Variants in ALDH1A1 observed in about 807,000 individuals in gnomAD.
ALDH1A1 encodes aldehyde dehydrogenase 1 family member A1.
ALDH1A1 carries 19 observed loss-of-function variants against 62.1 expected under a neutral mutation model. The ratio of observed to expected loss-of-function variants is 0.31; its 90% CI spans 0.21 to 0.45. The LOEUF (loss-of-function observed/expected upper bound fraction) is 0.45. ALDH1A1 is among the 20% of genes least tolerant of loss of function. The probability of loss-of-function intolerance (pLI) is 1.00; values close to 1 mark genes in which losing one functional copy is unlikely to be tolerated. For synonymous variants in ALDH1A1, 231 were observed against 215.9 expected (o/e 1.07, Z -0.61); for missense variants, 521 against 607.1 (o/e 0.86, Z 1.49).
At chr9:72,935,293 C>T (rs565095276) in intron 2 of ALDH1A1, among the ~76,000 whole-genome samples, 39 of 152,198 alleles carry the variant, frequency 2.6e-4, no homozygotes, top group Non-Finnish European at 4.6e-4. Context: ...GGTACATTAA[C>T]TCAGATTTGC....
At chr9:72,901,413 G>A (rs913401417) in intron 12 of ALDH1A1, 133 bp from the exon 13 acceptor site, 1 of 543,630 alleles carries the variant, frequency 1.8e-6, no homozygotes, top group East Asian at 2.9e-5. Flanking sequence ...TGTGTACAGA[G>A]CATTTTATAT....
At chr9:72,912,408 A>G (rs1391059379) in intron 9 of ALDH1A1, among the ~76,000 whole-genome samples, 1 of 152,216 alleles carries the variant, frequency 6.6e-6, no homozygotes, top group Non-Finnish European at 1.5e-5. Flanking sequence ...ATAAATGACA[A>G]TCATCATTTA....
chr9:72,946,652 A>T (rs950731431), intron 1 of ALDH1A1, among the ~76,000 whole-genome samples: 4 of 152,032 alleles, frequency 2.6e-5, no homozygotes, highest in African/African-American at 9.7e-5. Context: ...TCTTTTGAAC[A>T]TGGTTCTATG....
intron 12 of ALDH1A1, among the ~76,000 whole-genome samples, chr9:72,902,220 G>T (rs926450310): frequency 1.6e-4 from 25 of 151,974 alleles, no homozygotes; most frequent in Non-Finnish European, 1.5e-4. Flanking sequence ...TTTACCCCTT[G>T]TTGAAGAGAT....
intron 11 of ALDH1A1, 44 bp from the exon 12 acceptor site, chr9:72,906,076 G>GAA: frequency 6.8e-7 from 1 of 1,464,216 alleles, no homozygotes; most frequent in Non-Finnish European, 9.3e-7. Context: ...CTTAAGGTGT[G>GAA]AAAAAAAAAT....
At chr9:72,938,824 C>T (rs1017837718) in intron 2 of ALDH1A1, among the ~76,000 whole-genome samples, 1 of 151,450 alleles carries the variant, frequency 6.6e-6, no homozygotes, top group African/African-American at 2.4e-5. Context: ...CTCACTGCAA[C>T]CTCTGACCCC....
At chr9:72,914,326 A>AT (rs1263220626) in intron 9 of ALDH1A1, among the ~76,000 whole-genome samples, 4 of 152,220 alleles carry the variant, frequency 2.6e-5, no homozygotes, top group Admixed American at 2.6e-4. Context: ...AAATGGAAGC[A>AT]TGTAATTTTT....
intron 10 of ALDH1A1, among the ~76,000 whole-genome samples, chr9:72,910,011 T>G (rs1829962385): frequency 6.6e-6 from 1 of 152,186 alleles, no homozygotes; most frequent in African/African-American, 2.4e-5. Flanking sequence ...TTTCTAGATG[T>G]TGGAATTAAG....
intron 1 of ALDH1A1, 49 bp from the exon 2 acceptor site, chr9:72,940,301 A>C (rs777074699): frequency 1.4e-6 from 2 of 1,436,564 alleles, no homozygotes; most frequent in Admixed American, 1.7e-5. Context: ...ATATGCAGAA[A>C]ATTTTGGAAG....
intron 12 of ALDH1A1, among the ~76,000 whole-genome samples, 174 bp downstream of exon 12, chr9:72,905,784 A>G (rs572819515): frequency 6.6e-6 from 1 of 152,222 alleles, no homozygotes; most frequent in South Asian, 2.1e-4. Flanking sequence ...TTCTGCAATC[A>G]CCTTTTGCAC....
At chr9:72,918,562 A>AT (rs1435328101) in intron 8 of ALDH1A1, among the ~76,000 whole-genome samples, 158 bp downstream of exon 8, 1 of 147,772 alleles carries the variant, frequency 6.8e-6, no homozygotes, top group Non-Finnish European at 1.5e-5. Context: ...GATTTAAGAG[A>AT]TTTTCAAGAG....
intron 12 of ALDH1A1, among the ~76,000 whole-genome samples, chr9:72,905,750 G>C (rs765537718): frequency 1.1e-4 from 17 of 151,988 alleles, no homozygotes; most frequent in Non-Finnish European, 1.9e-4. Flanking sequence ...AAATATAGTA[G>C]GAATTTAGTA....
intron 2 of ALDH1A1, among the ~76,000 whole-genome samples, chr9:72,933,149 A>G (rs1187824541): frequency 1.3e-5 from 2 of 152,230 alleles, no homozygotes; most frequent in African/African-American, 2.4e-5. Flanking sequence ...TATGAAAACA[A>G]CCCAGATTTG....
chr9:72,904,863 A>T (rs1484934971), intron 12 of ALDH1A1, among the ~76,000 whole-genome samples: 1 of 152,144 alleles, frequency 6.6e-6, no homozygotes, highest in Admixed American at 6.6e-5. Flanking sequence ...GTTATTTTGC[A>T]TGTCCTGCCA....
chr9:72,909,698 G>C lies in ALDH1A1; in HGVS notation c.1262C>G (p.Ala421Gly), dbSNP rs781127614. Reference sequence around the variant, plus strand: ...TGATAAGCCATAGAAAGTATTGTTTGCTCTTTTGATCACGTCATCTAAAGA... The same window carrying C: ...TGATAAGCCATAGAAAGTATTGTTTCCTCTTTTGATCACGTCATCTAAAGA... ...FKSLDDVIKR[A>G]NNTFYGLSAG... is the part of the protein sequence containing the mutation. Residue 421 changes from alanine to glycine, a missense_variant, in exon 11 of 13, where the codon GCA becomes GGA. Coordinates refer to ENST00000297785, the MANE Select transcript of ALDH1A1 (RefSeq NM_000689.5). 30 of 1,613,624 alleles carry C rather than the reference G, an allele frequency of 1.9e-5. No homozygotes were observed. Among genetic ancestry groups the C allele is most frequent in the Non-Finnish European group, 2.4e-5 (28 of 1,179,654 alleles).
chr9:72,922,677 A>C (rs572760689), intron 7 of ALDH1A1, among the ~76,000 whole-genome samples: 1 of 152,234 alleles, frequency 6.6e-6, no homozygotes, highest in East Asian at 1.9e-4. Flanking sequence ...CAACAGGCAC[A>C]TGGATTCCCT....
intron 7 of ALDH1A1, among the ~76,000 whole-genome samples, chr9:72,922,215 A>T (rs958455950): frequency 4.6e-5 from 7 of 152,170 alleles, no homozygotes; most frequent in African/African-American, 1.7e-4. Context: ...TGTATTCTGT[A>T]CAACTCAGTA....
chr9:72,906,827 C>T (rs1344281337), intron 11 of ALDH1A1, among the ~76,000 whole-genome samples: 1 of 152,108 alleles, frequency 6.6e-6, no homozygotes, highest in Non-Finnish European at 1.5e-5. Context: ...TATGTTTATA[C>T]TTTTCTCTCC....
chr9:72,901,843 T>C (rs1829807476), intron 12 of ALDH1A1, among the ~76,000 whole-genome samples: 1 of 152,146 alleles, frequency 6.6e-6, no homozygotes. Flanking sequence ...AAATTGATCA[T>C]GGTTTCATTT....
Sources: gnomAD v4.1 joint callset for allele counts (sites outside exome capture counted in the v4.1 genomes callset) on GRCh38, gnomAD v4.1.1 for gene constraint, MANE v1.5 for transcripts, NCBI Gene and HGNC (gene_info 2026-07-23, HGNC 2026-07-21) for gene names.